Variants in CCR3 observed in about 807,000 individuals in gnomAD.
CCR3 encodes C-C motif chemokine receptor 3.
For missense variants in CCR3, 419 were observed against 437.5 expected, an observed-to-expected ratio of 0.96 and a Z score of 0.38; for synonymous variants, 203 against 179.2, an observed-to-expected ratio of 1.13 and a Z score of -1.06.
At chr3:46,257,945 C>T (rs1700459225) in intron 1 of CCR3, among the ~76,000 whole-genome samples, 1 of 152,174 alleles carries the variant, frequency 6.6e-6, no homozygotes, top group African/African-American at 2.4e-5. Flanking sequence ...GCTGGTGAGC[C>T]TGGATTTCTG....
At chr3:46,242,963 G>A (rs6804341) in intron 1 of CCR3, among the ~76,000 whole-genome samples, 10 of 86,286 alleles carry the variant, frequency 1.2e-4, no homozygotes, top group South Asian at 3.8e-4. Flanking sequence ...ATATATATGT[G>A]TATATATATA....
At position 46,248,978 on chromosome 3, in the gene CCR3, C is replaced by T. The variant is rs559837322; in HGVS notation, c.-12+6440C>T. Reference sequence around the variant, plus strand: ...GGGAATGGTAAGGAGAGTTTATAGGCTTTAAAAGGCCATGCCTTAGCAGGC... The same window carrying T: ...GGGAATGGTAAGGAGAGTTTATAGGTTTTAAAAGGCCATGCCTTAGCAGGC... On this transcript the variant is annotated intron_variant, in intron 1 of 1. Transcript: ENST00000395940. Among the ~76,000 whole-genome samples the T allele has an allele frequency of 3.9e-5, 6 of 152,254 alleles. No homozygotes were observed. In the East Asian group the frequency reaches 7.7e-4, roughly 20 times the overall value.
At chr3:46,226,314 T>A (rs1699894620) in intron 2 of CCR3, among the ~76,000 whole-genome samples, 1 of 152,226 alleles carries the variant, frequency 6.6e-6, no homozygotes, top group Non-Finnish European at 1.5e-5. Flanking sequence ...TCTATGAACA[T>A]GGTATATCTC....
intron 2 of CCR3, among the ~76,000 whole-genome samples, chr3:46,234,679 C>T (rs1700005090): frequency 6.6e-6 from 1 of 152,216 alleles, no homozygotes; most frequent in South Asian, 2.1e-4. Context: ...GAGTCACTCC[C>T]ATGAAGATCT....
chr3:46,227,086 A>T (rs71615441), intron 2 of CCR3, among the ~76,000 whole-genome samples: 9,169 of 151,492 alleles, frequency 0.061, 461 homozygotes, highest in South Asian at 0.25. Context: ...TGCCATGTTG[A>T]CCAGGCTGTT....
At chr3:46,216,634 A>G (rs1329559778) in intron 2 of CCR3, among the ~76,000 whole-genome samples, 1 of 152,170 alleles carries the variant, frequency 6.6e-6, no homozygotes, top group Non-Finnish European at 1.5e-5. Context: ...TATAATGAAA[A>G]CCTATCAGAT....
intron 2 of CCR3, among the ~76,000 whole-genome samples, chr3:46,220,070 A>G (rs1156606384): frequency 6.6e-6 from 1 of 152,264 alleles, no homozygotes; most frequent in East Asian, 1.9e-4. Context: ...AGAGTGGGAG[A>G]AAATCTTTGC....
At position 46,236,874 on chromosome 3, in the gene CCR3, G is replaced by A. The variant is rs1700030360; in HGVS notation, c.-67-5528G>A. 2.6e-5 allele frequency among the ~76,000 whole-genome samples: 4 copies of A among 152,214 alleles called. No individual in the cohort carries two copies. In the South Asian group the frequency reaches 8.3e-4, roughly 32 times the overall value. Reference sequence around the variant, plus strand: ...AAAGGGGAGTGGGTGTGAGGCCAGGGATCCTGGAAAGTTGTCCCGCAGGCA... The same window carrying A: ...AAAGGGGAGTGGGTGTGAGGCCAGGAATCCTGGAAAGTTGTCCCGCAGGCA... On this transcript the variant is annotated intron_variant, in intron 2 of 3. Coordinates refer to the CCR3 transcript ENST00000357422.
In CCR3 at chr3:46,224,065, TA is replaced by T. The variant is rs1699865440; in HGVS notation, c.-68+13160del. On this transcript the variant is annotated intron_variant, in intron 2 of 3. Coordinates refer to the CCR3 transcript ENST00000357422. The stretch of plus-strand genomic sequence containing the variant: ...AAATCGATTAAATACTCCTGCCAGT[TA>T]ATAAGAAAAGGACCAATGGCCTCTT... Among the ~76,000 whole-genome samples the T allele has an allele frequency of 2.0e-5, 3 of 152,236 alleles. No individual in the cohort carries two copies. In the South Asian group the frequency reaches 6.2e-4, roughly 32 times the overall value.
At chr3:46,216,977 GATGA>G (rs1462044512) in intron 2 of CCR3, among the ~76,000 whole-genome samples, 2 of 152,130 alleles carry the variant, frequency 1.3e-5, no homozygotes, top group Non-Finnish European at 2.9e-5. Context: ...CAACTAGCAT[GATGA>G]ATAGAACAGT....
At chr3:46,212,839 A>G (rs933650265) in intron 2 of CCR3, among the ~76,000 whole-genome samples, 35 of 152,132 alleles carry the variant, frequency 2.3e-4, no homozygotes. Context: ...TCCTCCCTGA[A>G]GCCTTCCCAT....
chr3:46,221,754 G>A (rs902755146), intron 2 of CCR3, among the ~76,000 whole-genome samples: 8 of 152,150 alleles, frequency 5.3e-5, no homozygotes, highest in East Asian at 3.8e-4. Flanking sequence ...GCAGGTTTCC[G>A]GTTGTTGAAA....
chr3:46,263,123 T>C (rs1289099371), intron 1 of CCR3, among the ~76,000 whole-genome samples: 1 of 152,258 alleles, frequency 6.6e-6, no homozygotes, highest in Admixed American at 6.5e-5. Context: ...CCCGATCATG[T>C]TGATTTTATA....
At chr3:46,254,212 T>G (rs1333974583) in intron 1 of CCR3, among the ~76,000 whole-genome samples, 2 of 152,118 alleles carry the variant, frequency 1.3e-5, no homozygotes, top group Non-Finnish European at 2.9e-5. Flanking sequence ...TGTGTATAAG[T>G]ACATAAACAA....
chr3:46,232,209 C>A (rs1471137714), intron 2 of CCR3, among the ~76,000 whole-genome samples: 1 of 152,126 alleles, frequency 6.6e-6, no homozygotes, highest in East Asian at 1.9e-4. Flanking sequence ...GAACAAGCAA[C>A]AACACAATCC....
chr3:46,211,670 A>G (rs1031334845), intron 2 of CCR3, among the ~76,000 whole-genome samples: 9 of 151,982 alleles, frequency 5.9e-5, no homozygotes, highest in Admixed American at 1.3e-4. Flanking sequence ...TATTTTCCCC[A>G]TTTCTCTTCC....
intron 2 of CCR3, among the ~76,000 whole-genome samples, chr3:46,234,498 C>A (rs903019483): frequency 2.0e-5 from 3 of 152,038 alleles, no homozygotes; most frequent in Non-Finnish European, 4.4e-5. Context: ...TTATCTGGAG[C>A]CATATTTCTA....
At chr3:46,227,627 G>A (rs763195974) in intron 2 of CCR3, among the ~76,000 whole-genome samples, 2 of 152,094 alleles carry the variant, frequency 1.3e-5, no homozygotes, top group African/African-American at 2.4e-5. Context: ...TTATTGATGC[G>A]AGACTGTTCT....
intron 2 of CCR3, among the ~76,000 whole-genome samples, chr3:46,224,386 CAGG>C (rs2125924086): frequency 6.7e-6 from 1 of 149,168 alleles, no homozygotes; most frequent in African/African-American, 2.5e-5. Context: ...TACCTGAGGC[CAGG>C]AGTTCAGGAC....
Sources: allele counts gnomAD v4.1 joint callset (sites outside exome capture counted in the v4.1 genomes callset), GRCh38; gene constraint gnomAD v4.1.1; transcripts MANE v1.5; gene names NCBI Gene and HGNC (gene_info 2026-07-23, HGNC 2026-07-21).